The following VPS53 variants were observed in gnomAD, a reference collection of about 807,000 sequenced individuals.
VPS53 encodes the protein vacuolar protein sorting-associated protein 53 homolog.
In VPS53, 70 loss-of-function variants were observed where a neutral mutation model predicts 107.0. The observed-to-expected ratio is 0.65, with a 90% confidence interval of 0.54 to 0.80. The LOEUF (loss-of-function observed/expected upper bound fraction) is 0.80. Ranked by LOEUF, VPS53 falls within the 30% of genes least tolerant of loss-of-function variation. The pLI, the probability that VPS53 is intolerant of heterozygous loss-of-function variation, is 0.00. For synonymous variants in VPS53, 409 were observed against 393.3 expected (o/e 1.04, Z -0.47); for missense variants, 917 against 1,049.4 (o/e 0.87, Z 1.74).
chr17:572,377 C>G (rs1011672796), intron 13 of VPS53, among the ~76,000 whole-genome samples: 1 of 149,914 alleles, frequency 6.7e-6, no homozygotes, highest in African/African-American at 2.5e-5. Flanking sequence ...TGAGGAGCGT[C>G]TCCGCCGGGC....
At chr17:601,751 C>A in intron 12 of VPS53, 44 bp downstream of exon 12, 1 of 1,464,894 alleles carries the variant, frequency 6.8e-7, no homozygotes, top group Non-Finnish European at 9.3e-7. Flanking sequence ...TTTTCAGAAA[C>A]GCACATTGGG....
In VPS53 at chr17:606,787, CCTT is replaced by C. The variant is rs201707877; in HGVS notation, c.1117-4894_1117-4892del. On this transcript the variant is annotated intron_variant, in intron 11 of 21. Transcript: ENST00000437048. ...ATATGAGAGGTCTAGGTTGCACACT[CCTT>C]CTGAGAATCCAATGCCTGATGATCT... is the stretch of plus-strand genomic sequence containing the variant. Among the ~76,000 whole-genome samples, 584 of 152,236 alleles carry C rather than the reference CCTT, an allele frequency of 3.8e-3. 8 individuals are homozygous for C. In the East Asian group the frequency reaches 0.04, roughly 11 times the overall value.
intron 7 of VPS53, among the ~76,000 whole-genome samples, chr17:638,269 T>C (rs1259193843): frequency 1.3e-5 from 2 of 152,216 alleles, no homozygotes; most frequent in Non-Finnish European, 2.9e-5. Context: ...ATTTGCTTGG[T>C]AGATCTTCCT....
At chr17:560,377 A>C (rs1390173897) in intron 15 of VPS53, 49 bp downstream of exon 15, 1 of 1,589,072 alleles carries the variant, frequency 6.3e-7, no homozygotes, top group Non-Finnish European at 8.6e-7. Flanking sequence ...GACGCAGCCC[A>C]GAGGGTTCAG....
In VPS53 at chr17:663,492, C is replaced by A. The variant is rs565014048; in HGVS notation, c.286-1597G>T. ...CACAGACGTGTATCGACCACATGCA[C>A]TGGACCATCCGTGAGTAAAGACTAC... On this transcript the variant is annotated intron_variant, in intron 4 of 21. Coordinates refer to ENST00000437048, the MANE Select transcript of VPS53 (RefSeq NM_001128159.3). 2.3e-3 allele frequency among the ~76,000 whole-genome samples: 354 copies of A among 152,264 alleles called. 1 individual carries two copies. Among genetic ancestry groups the A allele is most frequent in the African/African-American group, 7.1e-3 (293 of 41,554 alleles).
At chr17:641,725 G>A (rs1045630485) in intron 7 of VPS53, among the ~76,000 whole-genome samples, 1 of 152,210 alleles carries the variant, frequency 6.6e-6, no homozygotes, top group Non-Finnish European at 1.5e-5. Context: ...AAAGTGCTAG[G>A]ATTACAGGCA....
intron 11 of VPS53, among the ~76,000 whole-genome samples, chr17:619,580 C>A (rs1969366514): frequency 7.9e-6 from 1 of 126,232 alleles, no homozygotes; most frequent in Non-Finnish European, 1.6e-5. Flanking sequence ...ACCACCACAC[C>A]CCGCTAATAT....
intron 13 of VPS53, among the ~76,000 whole-genome samples, chr17:573,505 T>C (rs1567639026): frequency 2.0e-5 from 3 of 152,114 alleles, no homozygotes; most frequent in Admixed American, 6.5e-5. Context: ...GTGGACCCCA[T>C]GCCAGGCTCA....
intron 2 of VPS53, among the ~76,000 whole-genome samples, chr17:702,654 A>G (rs934284881): frequency 6.6e-6 from 1 of 152,042 alleles, no homozygotes; most frequent in Non-Finnish European, 1.5e-5. Flanking sequence ...TAACAGAAGG[A>G]GACTCTGTCT....
chr17:560,697 C>A (rs936038995), intron 14 of VPS53, 124 bp from the exon 15 acceptor site: 2 of 1,123,830 alleles, frequency 1.8e-6, no homozygotes, highest in African/African-American at 1.6e-5. Context: ...CAAATCAATT[C>A]ACATACAATG....
Position 551,968 on chromosome 17 carries a change from C to A in VPS53, c.1788-18G>T. 6.4e-7 allele frequency: 1 copy of A among 1,572,450 alleles called. No homozygotes were observed. The highest frequency in any genetic ancestry group is 8.6e-7 in the Non-Finnish European group (1 of 1,156,644). ...AGATGACGCTGCAAATCAAACAAAT[C>A]ACTGTGGTCACCCTTTCAAACAACG... is the stretch of plus-strand genomic sequence containing the variant. On this transcript the variant is annotated intron_variant, in intron 16 of 21. Coordinates refer to ENST00000437048, the MANE Select transcript of VPS53 (RefSeq NM_001128159.3).
In VPS53 at chr17:598,727, A is replaced by G. The variant is rs1283072769; in HGVS notation, c.1218+3068T>C. 3.2e-3 allele frequency among the ~76,000 whole-genome samples: 212 copies of G among 66,220 alleles called. 2 individuals carry two copies. Among genetic ancestry groups the G allele is most frequent in the Non-Finnish European group, 5.2e-3 (161 of 30,952 alleles). 43.4% of individuals were successfully genotyped at this position (66,220 alleles called of 152,430 possible). On this transcript the variant is annotated intron_variant, in intron 12 of 21. Coordinates refer to ENST00000437048, the MANE Select transcript of VPS53 (RefSeq NM_001128159.3). ...AAGTGAGGAGACCCTCTGCCCGGCA[A>G]CCGCCCCGTCTGAGAAGTGAGGAGC...
At chr17:526,532 GTCTGTGC>G (rs899263096) in intron 19 of VPS53, among the ~76,000 whole-genome samples, 1 of 152,232 alleles carries the variant, frequency 6.6e-6, no homozygotes, top group African/African-American at 2.4e-5. Flanking sequence ...TTTGGCGGCT[GTCTGTGC>G]AAAGACAAGA....
intron 11 of VPS53, among the ~76,000 whole-genome samples, chr17:602,578 C>A (rs1199090214): frequency 6.6e-6 from 1 of 152,168 alleles, no homozygotes; most frequent in Non-Finnish European, 1.5e-5. Context: ...GAAACATGGG[C>A]CAGTGGGAAG....
At chr17:688,150 T>G (rs551233325) in intron 4 of VPS53, among the ~76,000 whole-genome samples, 114 of 152,286 alleles carry the variant, frequency 7.5e-4, no homozygotes, top group African/African-American at 2.6e-3. Flanking sequence ...GGTGATATGA[T>G]TTGGCTGTGT....
chr17:679,924 G>A (rs1972323264), intron 4 of VPS53, among the ~76,000 whole-genome samples: 1 of 151,850 alleles, frequency 6.6e-6, no homozygotes, highest in Non-Finnish European at 1.5e-5. Flanking sequence ...GAGGCAGGTG[G>A]ATCACCTGAG....
intron 17 of VPS53, among the ~76,000 whole-genome samples, chr17:550,553 T>G (rs1412219996): frequency 6.6e-6 from 1 of 152,218 alleles, no homozygotes; most frequent in African/African-American, 2.4e-5. Context: ...GTGGGCCAGA[T>G]CTGGTTCCCA....
intron 19 of VPS53, among the ~76,000 whole-genome samples, chr17:523,849 G>A (rs1908926429): frequency 1.3e-5 from 2 of 152,194 alleles, no homozygotes; most frequent in Admixed American, 1.3e-4. Context: ...GAGGGGGAAT[G>A]GCACTGATTG....
chr17:695,201 G>A (rs1972914314), intron 4 of VPS53, among the ~76,000 whole-genome samples: 1 of 152,140 alleles, frequency 6.6e-6, no homozygotes, highest in African/African-American at 2.4e-5. Flanking sequence ...AGGACATCGA[G>A]GGACACTGGA....
Sources: gnomAD v4.1 joint callset for allele counts (sites outside exome capture counted in the v4.1 genomes callset) on GRCh38, gnomAD v4.1.1 for gene constraint, MANE v1.5 for transcripts, NCBI Gene and HGNC (gene_info 2026-07-23, HGNC 2026-07-21) for gene names.